Variants in UGT1A5 observed in about 807,000 individuals in gnomAD.
UGT1A5 encodes the protein UDP glucuronosyltransferase family 1 member A5, also known as UDP-glucuronosyltransferase 1A5.
UGT1A5 carries 29 observed loss-of-function variants against 40.3 expected under a neutral mutation model. The observed-to-expected ratio is 0.72, with a 90% CI of 0.54 to 0.98. The LOEUF is 0.98. Ranked by LOEUF, UGT1A5 falls within the 50% of genes least tolerant of loss-of-function variation. The pLI, the probability that UGT1A5 is intolerant of heterozygous loss-of-function variation, is 0.00. For synonymous variants in UGT1A5, 257 were observed against 262.5 expected, an observed-to-expected ratio of 0.98 and a Z score of 0.20; for missense variants, 678 against 677.9, an observed-to-expected ratio of 1.00 and a Z score of 0.00.
chr2:233,729,866 A>G (rs1305518931), intron 1 of UGT1A5: 3 of 1,613,610 alleles, frequency 1.9e-6, no homozygotes, highest in South Asian at 2.2e-5. Context: ...TCAGTGGTGG[A>G]TATTCTCAGT....
intron 1 of UGT1A5, among the ~76,000 whole-genome samples, chr2:233,766,404 G>A (rs990056235): frequency 5.3e-5 from 8 of 152,282 alleles, no homozygotes; most frequent in Non-Finnish European, 1.0e-4. Context: ...GCGTCCCTCC[G>A]CTGATGTGCT....
At chr2:233,721,074 A>G (rs2076920580) in intron 1 of UGT1A5, among the ~76,000 whole-genome samples, 1 of 152,036 alleles carries the variant, frequency 6.6e-6, no homozygotes, top group African/African-American at 2.4e-5. Flanking sequence ...AATTTATATG[A>G]ACTTCCATGA....
chr2:233,721,385 T>G (rs1270224994), intron 1 of UGT1A5: 1 of 152,820 alleles, frequency 6.5e-6, no homozygotes, highest in Admixed American at 6.5e-5. Context: ...TTCACTCTCA[T>G]TTTTCTAGCT....
In UGT1A5 at chr2:233,719,593, G is replaced by A. The variant is rs760663829; in HGVS notation, c.867+5735G>A. 68 of 1,613,802 alleles carry A rather than the reference G, an allele frequency of 4.2e-5. No homozygotes were observed. The South Asian group carries it at 4.3e-4, about 10-fold the overall frequency. On this transcript the variant is annotated intron_variant, in intron 1 of 4. Coordinates refer to ENST00000373414, the MANE Select transcript of UGT1A5 (RefSeq NM_019078.2). ...AGCTATGCATCCGTGTGGCTGTTCC[G>A]AGGGGACTTTGTGATGGACTACCCC...
chr2:233,768,575 AT>A (rs1699646969), intron 4 of UGT1A5, 136 bp downstream of exon 4: 6 of 1,110,618 alleles, frequency 5.4e-6, no homozygotes, highest in Non-Finnish European at 7.1e-6. Flanking sequence ...CTGGATTTTT[AT>A]TTCTTCTTTT....
chr2:233,747,198 C>G, intron 1 of UGT1A5: 10 of 1,604,166 alleles, frequency 6.2e-6, no homozygotes, highest in South Asian at 1.1e-5. Context: ...GTCAGCTGTC[C>G]GTGTCTTCTG....
At chr2:233,736,756 T>G (rs535805323) in intron 1 of UGT1A5, among the ~76,000 whole-genome samples, 1 of 152,338 alleles carries the variant, frequency 6.6e-6, no homozygotes, top group Non-Finnish European at 1.5e-5. Context: ...TTGTTAGTTT[T>G]CCTTCTAACA....
In UGT1A5 at chr2:233,719,134, A is replaced by G. The variant is rs566867363; in HGVS notation, c.867+5276A>G. ...ACTCAAGGGTTCTTTGAAACAGAACATCTTCTGAAGAGATATTCTAGAAGT... is the reference window on the plus strand; with the variant it reads ...ACTCAAGGGTTCTTTGAAACAGAACGTCTTCTGAAGAGATATTCTAGAAGT... On this transcript the variant is annotated intron_variant, in intron 1 of 4. Transcript: ENST00000373414. 20 of 1,614,272 alleles carry G rather than the reference A, an allele frequency of 1.2e-5. No individual in the cohort carries two copies. The East Asian group carries it at 1.8e-4, about 14-fold the overall frequency.
In UGT1A5 at chr2:233,713,469, G is replaced by A. The variant is rs755500428; in HGVS notation, c.478G>A (p.Val160Met). The A allele has an allele frequency of 2.5e-6, 4 of 1,614,076 alleles. No homozygotes were observed. The South Asian group carries it at 4.4e-5, about 18-fold the overall frequency. ...LTDPFHLCAA[V>M]LAKYLSIPAV... ...AGACCCCTTTCACCTCTGCGCGGCG[G>A]TGCTGGCTAAGTACCTGTCGATTCC... Residue 160 changes from valine to methionine, a missense_variant, in exon 1 of 5, where the codon GTG (valine) becomes ATG (methionine). Transcript: ENST00000373414.
intron 1 of UGT1A5, among the ~76,000 whole-genome samples, chr2:233,764,057 C>T (rs1242895801): frequency 1.3e-5 from 2 of 152,096 alleles, no homozygotes; most frequent in African/African-American, 4.8e-5. Context: ...AAATGAAATG[C>T]ATTTGGGAAG....
chr2:233,724,330 C>CA (rs2077223829), intron 1 of UGT1A5, among the ~76,000 whole-genome samples: 2 of 121,986 alleles, frequency 1.6e-5, no homozygotes, highest in Admixed American at 8.1e-5. Flanking sequence ...GCTGGCCAGG[C>CA]GGGGGGCTGA....
In UGT1A5 at chr2:233,729,717, A is replaced by G. The variant is rs147416875; in HGVS notation, c.867+15859A>G. Reference sequence around the variant, plus strand: ...ACCCTTCCTCCTATATTCCTAGATTACTAACAACCAATTCAGACCACATGA... The same window carrying G: ...ACCCTTCCTCCTATATTCCTAGATTGCTAACAACCAATTCAGACCACATGA... On this transcript the variant is annotated intron_variant, in intron 1 of 4. Transcript: ENST00000373414. 5.1e-5 allele frequency: 83 copies of G among 1,613,846 alleles called. 1 individual carries two copies. The highest frequency in any genetic ancestry group is 5.2e-5 in the Non-Finnish European group (61 of 1,179,886).
chr2:233,755,073 T>A (rs764125289), intron 1 of UGT1A5: 1 of 1,336,212 alleles, frequency 7.5e-7, no homozygotes, highest in East Asian at 4.6e-5. Flanking sequence ...GCCATAGCGG[T>A]CATAGATATC....
chr2:233,724,161 C>A (rs1575550445), intron 1 of UGT1A5, among the ~76,000 whole-genome samples: 1 of 122,434 alleles, frequency 8.2e-6, no homozygotes, highest in African/African-American at 3.7e-5. Context: ...GGTGGGGGGG[C>A]TGACCCCCCC....
At chr2:233,765,738 C>T (rs1341217365) in intron 1 of UGT1A5, among the ~76,000 whole-genome samples, 1 of 147,306 alleles carries the variant, frequency 6.8e-6, no homozygotes, top group Non-Finnish European at 1.5e-5. Flanking sequence ...AATAAATAAA[C>T]CCATAAAGCC....
intron 1 of UGT1A5, among the ~76,000 whole-genome samples, chr2:233,730,802 A>T (rs1344398093): frequency 1.3e-5 from 2 of 152,196 alleles, no homozygotes; most frequent in Non-Finnish European, 2.9e-5. Flanking sequence ...ATGAATGGAC[A>T]TGCGTCCAAG....
intron 1 of UGT1A5, among the ~76,000 whole-genome samples, chr2:233,748,588 G>C (rs1457275864): frequency 6.6e-6 from 1 of 151,830 alleles, no homozygotes; most frequent in Non-Finnish European, 1.5e-5. Context: ...GGTTGACTCA[G>C]TTCAGTGGAA....
Position 233,747,263 on chromosome 2 carries a change from T to G in UGT1A5, c.868-19771T>G, listed in dbSNP as rs1693601928. 9 of 1,599,140 alleles carry G rather than the reference T, an allele frequency of 5.6e-6. 1 individual carries two copies. The highest frequency in any genetic ancestry group is 3.6e-4 in the Middle Eastern group (2 of 5,530). ...CTGCTGTGGCTGGCCACAGGAGTGCTACTCCTTCTCAGTGCCCAGCCCTGG... is the reference window on the plus strand; with the variant it reads ...CTGCTGTGGCTGGCCACAGGAGTGCGACTCCTTCTCAGTGCCCAGCCCTGG... On this transcript the variant is annotated intron_variant, in intron 1 of 4. Coordinates refer to ENST00000373414, the MANE Select transcript of UGT1A5 (RefSeq NM_019078.2).
At chr2:233,748,178 G>T (rs1693885819) in intron 1 of UGT1A5, 1 of 1,580,774 alleles carries the variant, frequency 6.3e-7, no homozygotes, top group Non-Finnish European at 8.6e-7. Context: ...TATCTTTCTG[G>T]TGCTTTTATT....
Sources: gnomAD v4.1 joint callset for allele counts (sites outside exome capture counted in the v4.1 genomes callset) on GRCh38, gnomAD v4.1.1 for gene constraint, MANE v1.5 for transcripts, NCBI Gene and HGNC (gene_info 2026-07-23, HGNC 2026-07-21) for gene names.